GTF3C1: variants seen among roughly 807,000 people sequenced by gnomAD.
GTF3C1 encodes general transcription factor 3C polypeptide 1.
In GTF3C1, 57 loss-of-function variants were observed where a neutral mutation model predicts 226.7. The ratio of observed to expected loss-of-function variants is 0.25; its 90% CI spans 0.20 to 0.31. GTF3C1 has a LOEUF of 0.31. Among genes scored for constraint, GTF3C1 ranks in the 10% least tolerant of loss-of-function variants. GTF3C1 has a pLI of 1.00. For missense variants in GTF3C1, 2,217 were observed against 2,776.1 expected, an observed-to-expected ratio of 0.80 and a Z score of 4.53; for synonymous variants, 1,090 against 1,084.8, an observed-to-expected ratio of 1.00 and a Z score of -0.09.
rs1267144726 is a variant in GTF3C1, at chr16:27,488,306, C to G, written c.3621G>C (p.Arg1207=). Residue 1207 remains arginine, a synonymous_variant, in exon 23 of 37, where the codon CGG becomes CGC. Coordinates refer to ENST00000356183, the MANE Select transcript of GTF3C1 (RefSeq NM_001520.4). ...TCTGGCTTTTCCCACCCCTCACTCT[C>G]CGGTTTCGGTCCAGCGAGGGCTCTC... The part of the protein sequence containing the change: ...VDREPSLDRN[R]RVRGGKSQKR... The G allele has an allele frequency of 6.2e-7, 1 of 1,614,260 alleles. No individual in the cohort carries two copies.
In GTF3C1 at chr16:27,523,943, G is replaced by C. The variant is rs572508306; in HGVS notation, c.973+4655C>G. 1.6e-4 allele frequency among the ~76,000 whole-genome samples: 24 copies of C among 152,296 alleles called. No individual in the cohort carries two copies. The South Asian group carries it at 3.7e-3, about 24-fold the overall frequency. ...GACCGTCATCATCTTGGTGCCTGCT[G>C]CCTTAATCCAGCACAAGGAGCCAAA... is the stretch of plus-strand genomic sequence containing the variant. On this transcript the variant is annotated intron_variant, in intron 6 of 36. Coordinates refer to ENST00000356183, the MANE Select transcript of GTF3C1 (RefSeq NM_001520.4).
In GTF3C1 at chr16:27,465,359, C is replaced by T. The variant is rs753900389; in HGVS notation, c.5256G>A (p.Thr1752=). 4.3e-6 allele frequency: 7 copies of T among 1,614,036 alleles called. No individual in the cohort carries two copies. Among genetic ancestry groups the T allele is most frequent in the East Asian group, 4.5e-5 (2 of 44,896 alleles). Residue 1752 remains threonine, a synonymous_variant, in exon 33 of 37, where the codon ACG becomes ACA. Transcript: ENST00000356183. The part of the protein sequence containing the change: ...ALEILEAIIA[T]GCFGIDKEEL... Reference sequence around the variant, plus strand: ...CCTCCTTGTCAATCCCAAAACAACCCGTGGCTATAATGGCTTCCAAGATCT... The same window carrying T: ...CCTCCTTGTCAATCCCAAAACAACCTGTGGCTATAATGGCTTCCAAGATCT...
At chr16:27,498,761 A>G in intron 12 of GTF3C1, 28 bp from the exon 13 acceptor site, 9 of 1,103,714 alleles carry the variant, frequency 8.2e-6, no homozygotes, top group Non-Finnish European at 1.3e-5. Flanking sequence ...AGCATCCCAC[A>G]GGGTGAGGGA....
Position 27,482,662 on chromosome 16 carries a change from A to T in GTF3C1, c.4083+382T>A, listed in dbSNP as rs921660361. The T allele has an allele frequency of 2.0e-5, 9 of 458,760 alleles. 2 individuals carry two copies. Among genetic ancestry groups the T allele is most frequent in the South Asian group, 1.1e-4 (7 of 64,594 alleles). 28.4% of individuals were successfully genotyped at this position (458,760 alleles called of 1,614,324 possible). A position where few individuals can be genotyped will look rare whatever the true frequency, so the allele number is the denominator to read the frequency against. ...GAAGGGCAGGAGTCTGGGTCAGCAGACAGCTTCCCTCCTTGTCAGCCACCG... is the reference window on the plus strand; with the variant it reads ...GAAGGGCAGGAGTCTGGGTCAGCAGTCAGCTTCCCTCCTTGTCAGCCACCG... On this transcript the variant is annotated intron_variant, in intron 26 of 36. Coordinates refer to ENST00000356183, the MANE Select transcript of GTF3C1 (RefSeq NM_001520.4).
chr16:27,494,923 C>T lies in GTF3C1; in HGVS notation c.2633-15G>A. On this transcript the variant is annotated splice_polypyrimidine_tract_variant and intron_variant, in intron 15 of 36. Transcript: ENST00000356183. ...GTCGACATACACTAGGAAAAAAACG[C>T]ACGGTTACCCCCGGCAGCCAGGATA... is the stretch of plus-strand genomic sequence containing the variant. 6.2e-7 allele frequency: 1 copy of T among 1,610,206 alleles called. No homozygotes were observed.
chr16:27,540,901 C>T (rs986326300), intron 2 of GTF3C1, among the ~76,000 whole-genome samples: 2 of 151,870 alleles, frequency 1.3e-5, no homozygotes, highest in Admixed American at 6.6e-5. Flanking sequence ...AGTACAGTGA[C>T]GCGATCTCAG....
intron 5 of GTF3C1, among the ~76,000 whole-genome samples, chr16:27,529,135 G>A (rs571434578): frequency 6.6e-6 from 1 of 152,062 alleles, no homozygotes; most frequent in Non-Finnish European, 1.5e-5. Flanking sequence ...AAAAAAAAGG[G>A]GAAAAAATAG....
chr16:27,505,513 C>T (rs1244029144), intron 10 of GTF3C1, among the ~76,000 whole-genome samples: 1 of 152,170 alleles, frequency 6.6e-6, no homozygotes, highest in Non-Finnish European at 1.5e-5. Flanking sequence ...CGAAATGTCT[C>T]CTATGGGTAA....
At chr16:27,517,009 CCA>C (rs758784456) in intron 6 of GTF3C1, among the ~76,000 whole-genome samples, 23 of 152,298 alleles carry the variant, frequency 1.5e-4, no homozygotes, top group African/African-American at 3.6e-4. Flanking sequence ...AGACTCTCTG[CCA>C]CAGAGCTGGC....
intron 24 of GTF3C1, among the ~76,000 whole-genome samples, chr16:27,484,939 C>G (rs965616028): frequency 1.3e-5 from 2 of 152,360 alleles, no homozygotes; most frequent in African/African-American, 2.4e-5. Flanking sequence ...TCCATCAACA[C>G]TGACCTATGC....
At position 27,507,264 on chromosome 16, in the gene GTF3C1, C is replaced by T; in HGVS notation, c.1243-108G>A. 1 of 836,198 alleles carries T rather than the reference C, an allele frequency of 1.2e-6. No individual in the cohort carries two copies. The highest frequency in any genetic ancestry group is 1.9e-6 in the Non-Finnish European group (1 of 533,748). The allele number at this position is 836,198 out of a possible 1,614,324, so 51.8% of individuals were successfully genotyped here. On this transcript the variant is annotated intron_variant, in intron 8 of 36. Coordinates refer to ENST00000356183, the MANE Select transcript of GTF3C1 (RefSeq NM_001520.4). This position sits in a 1 kb window ranked among gnomAD's most constrained non-coding sequence, Gnocchi z 4.9. The stretch of plus-strand genomic sequence containing the variant: ...CCTTATTGGCTTTCTTCTGTTTCTC[C>T]TGTCTTACTGCCTGGGCCCTGGGTT...
chr16:27,534,229 G>A (rs924148839), intron 4 of GTF3C1, among the ~76,000 whole-genome samples: 3 of 152,166 alleles, frequency 2.0e-5, no homozygotes, highest in South Asian at 2.1e-4. Context: ...ACCGTGAAGC[G>A]GATGTCATGA....
chr16:27,470,597 T>A lies in GTF3C1; in HGVS notation c.4527-202A>T. 1.7e-6 allele frequency: 1 copy of A among 574,446 alleles called. No individual in the cohort carries two copies. Among genetic ancestry groups the A allele is most frequent in the Non-Finnish European group, 3.1e-6 (1 of 322,054 alleles). The allele number at this position is 574,446 out of a possible 1,614,324, so 35.6% of individuals were successfully genotyped here. A position where few individuals can be genotyped will look rare whatever the true frequency, so the allele number is the denominator to read the frequency against. On this transcript the variant is annotated intron_variant, in intron 30 of 36. Transcript: ENST00000356183. This position sits in a 1 kb window ranked among gnomAD's most constrained non-coding sequence, Gnocchi z 4.9. ...TTTGTGTCTCTCTTCCCCGCTTGCCTGAGTACCTTCCGGGCAGAGTCCTGT... is the reference window on the plus strand; with the variant it reads ...TTTGTGTCTCTCTTCCCCGCTTGCCAGAGTACCTTCCGGGCAGAGTCCTGT...
chr16:27,503,064 G>A, intron 10 of GTF3C1, 69 bp from the exon 11 acceptor site: 1 of 1,198,922 alleles, frequency 8.3e-7, no homozygotes, highest in Non-Finnish European at 1.2e-6. Flanking sequence ...CACCACACCT[G>A]TGGGTGCACT....
Position 27,476,563 on chromosome 16 carries a change from C to G in GTF3C1, c.4260-19G>C, listed in dbSNP as rs1275079717. 1 of 1,471,226 alleles carries G rather than the reference C, an allele frequency of 6.8e-7. No individual in the cohort carries two copies. The highest frequency in any genetic ancestry group is 1.4e-5 in the African/African-American group (1 of 72,280). The allele number at this position is 1,471,226 out of a possible 1,614,324, so 91.1% of individuals were successfully genotyped here. A position where few individuals can be genotyped will look rare whatever the true frequency, so the allele number is the denominator to read the frequency against. On this transcript the variant is annotated intron_variant, in intron 28 of 36. Coordinates refer to ENST00000356183, the MANE Select transcript of GTF3C1 (RefSeq NM_001520.4). ...ATCCACGCTGAAAGAGAGGGGGCAG[C>G]AGGGCACCATGAGACCACAGGCACT...
intron 8 of GTF3C1, among the ~76,000 whole-genome samples, 173 bp downstream of exon 8, chr16:27,508,367 C>G (rs1025572459): frequency 1.3e-5 from 2 of 152,212 alleles, no homozygotes; most frequent in Non-Finnish European, 2.9e-5. Context: ...ACAGAAACTA[C>G]AGTGAAGGCG....
intron 32 of GTF3C1, 47 bp from the exon 33 acceptor site, chr16:27,465,587 C>T: frequency 1.4e-6 from 2 of 1,458,182 alleles, no homozygotes; most frequent in Non-Finnish European, 1.9e-6. Context: ...CAGAGGCCCC[C>T]CTCCCCTGAC....
At chr16:27,535,567 T>C (rs2088987937) in intron 4 of GTF3C1, among the ~76,000 whole-genome samples, 2 of 145,168 alleles carry the variant, frequency 1.4e-5, no homozygotes, top group South Asian at 4.4e-4. Context: ...CAAATGAGAC[T>C]GTCAAATAAA....
rs745427667 is a variant in GTF3C1, at chr16:27,470,219, C to G, written c.4703G>C (p.Cys1568Ser). The change falls in exon 31 of 37, where the codon TGT (cysteine) becomes TCT (serine). Residue 1568 changes from cysteine to serine, a missense_variant. Physicochemically the swap from Cys to Ser is moderately radical, Grantham distance 112 (BLOSUM62 -1). Transcript: ENST00000356183. The surrounding 1 kb of genome is among the most constrained non-coding windows in gnomAD (Gnocchi z 4.9). The stretch of plus-strand genomic sequence containing the variant: ...AGAGAAGAGGGTCAGGACGGCCACA[C>G]AATTTCCTCCAGGGCCGTCCAGTGA... ...AFSLDGPGGN[C>S]VAVLTLFSLG... is the part of the protein sequence containing the mutation. The G allele has an allele frequency of 4.3e-6, 7 of 1,613,416 alleles. No homozygotes were observed.
Sources: gnomAD v4.1 joint callset for allele counts (sites outside exome capture counted in the v4.1 genomes callset) on GRCh38, gnomAD v4.1.1 for gene constraint, Gnocchi (gnomAD v3.1) non-coding constraint, MANE v1.5 for transcripts, NCBI Gene and HGNC (gene_info 2026-07-23, HGNC 2026-07-21) for gene names.